The following PTPRB variants were observed in gnomAD, a reference collection of about 807,000 sequenced individuals.
PTPRB encodes protein tyrosine phosphatase receptor type B, also known as receptor-type tyrosine-protein phosphatase beta.
PTPRB carries 97 observed loss-of-function variants against 238.1 expected under a neutral mutation model. The ratio of observed to expected loss-of-function variants is 0.41; its 90% CI spans 0.35 to 0.48. PTPRB has a LOEUF of 0.48. Among genes scored for constraint, PTPRB ranks in the 20% least tolerant of loss-of-function variants. The probability of loss-of-function intolerance (pLI) is 0.30; values close to 1 mark genes in which losing one functional copy is unlikely to be tolerated. For missense variants in PTPRB, 2,292 were observed against 2,681.9 expected (o/e 0.85, Z 3.21); for synonymous variants, 970 against 995.4 (o/e 0.97, Z 0.48).
At position 70,562,893 on chromosome 12, in the gene PTPRB, T is replaced by A. The variant is rs750238187; in HGVS notation, c.4119A>T (p.Val1373=). 5 of 1,614,038 alleles carry A rather than the reference T, an allele frequency of 3.1e-6. No homozygotes were observed. Among genetic ancestry groups the A allele is most frequent in the Admixed American group, 1.7e-5 (1 of 60,022 alleles). ...CATTAGACAGCTCCCCACTGTGAGT[T>A]ACAATCACCATCTTGTACATTCTGC... is the stretch of plus-strand genomic sequence containing the variant. ...LQGRMYKMVI[V]THSGELSNES... is the part of the protein sequence containing the mutation. Residue 1373 remains valine, a synonymous_variant, in exon 16 of 34, where the codon GTA becomes GTT. Transcript: ENST00000334414.
chr12:70,622,245 C>T (rs2136578992), intron 3 of PTPRB, 145 bp downstream of exon 3: 4 of 1,232,762 alleles, frequency 3.2e-6, no homozygotes, highest in Middle Eastern at 5.8e-4. Context: ...AAAATGCTTT[C>T]CTGTACAATT....
At chr12:70,558,140 G>C (rs2136319242) in intron 18 of PTPRB, among the ~76,000 whole-genome samples, 1 of 152,242 alleles carries the variant, frequency 6.6e-6, no homozygotes, top group Non-Finnish European at 1.5e-5. Context: ...TCTAATACCA[G>C]ATGCAATGGT....
In PTPRB at chr12:70,538,245, T is replaced by C; in HGVS notation, c.5870-14A>G. 1 of 1,610,770 alleles carries C rather than the reference T, an allele frequency of 6.2e-7. No homozygotes were observed. The highest frequency in any genetic ancestry group is 8.5e-7 in the Non-Finnish European group (1 of 1,178,002). On this transcript the variant is annotated splice_polypyrimidine_tract_variant and intron_variant, in intron 27 of 33. Coordinates refer to ENST00000334414, the MANE Select transcript of PTPRB (RefSeq NM_001109754.4). ...GCGTGGCATCATCTGGAAGGAGAGA[T>C]TTGCTGCTGAGTCTTGGAGTGACTT...
At chr12:70,538,800 A>C (rs1396553063) in intron 27 of PTPRB, 124 bp downstream of exon 27, 16 of 757,398 alleles carry the variant, frequency 2.1e-5, no homozygotes, top group Non-Finnish European at 3.3e-5. Flanking sequence ...TATTAAAGGC[A>C]TTCAGAGCTT....
chr12:70,622,599 G>C lies in PTPRB; in HGVS notation c.499C>G (p.Pro167Ala), dbSNP rs766739697. The C allele has an allele frequency of 6.3e-7, 1 of 1,588,288 alleles. No individual in the cohort carries two copies. Among genetic ancestry groups the C allele is most frequent in the Admixed American group, 1.8e-5 (1 of 55,544 alleles). The change falls in exon 3 of 34, where the codon CCA becomes GCA. Residue 167 changes from proline to alanine, a missense_variant. Pro to Ala is a conservative substitution (Grantham distance 27). Around this residue, in one of 4 missense-constraint regions of PTPRB, gnomAD observed 1,205 missense variants for 1,287.8 expected, o/e 0.94. Coordinates refer to ENST00000334414, the MANE Select transcript of PTPRB (RefSeq NM_001109754.4). ...TTAAAGGTAGTGAGAATCTGGGGTG[G>C]AGCCGTGTTTCTAGTGCTCCTCACC... Reference protein sequence around the residue: ...VSVRSTRNTAPPQILTTFNAV... With the variant: ...VSVRSTRNTAAPQILTTFNAV...
At chr12:70,555,416 G>T in intron 19 of PTPRB, 107 bp from the exon 20 acceptor site, 1 of 1,066,856 alleles carries the variant, frequency 9.4e-7, no homozygotes, top group Non-Finnish European at 1.4e-6. Flanking sequence ...ATCAGACTGT[G>T]TGTGTGTGAG....
chr12:70,605,159 A>T (rs1207262368), intron 4 of PTPRB, among the ~76,000 whole-genome samples: 1 of 152,236 alleles, frequency 6.6e-6, no homozygotes, highest in Admixed American at 6.5e-5. Context: ...AACTGACTTA[A>T]CAAGAGGGAA....
intron 17 of PTPRB, among the ~76,000 whole-genome samples, chr12:70,559,942 T>G (rs754195452): frequency 1.3e-5 from 2 of 151,642 alleles, no homozygotes; most frequent in African/African-American, 2.4e-5. Context: ...TAGCTGGGAT[T>G]ACAGGCACCT....
intron 11 of PTPRB, among the ~76,000 whole-genome samples, chr12:70,572,555 G>A (rs934242753): frequency 6.6e-5 from 10 of 151,866 alleles, no homozygotes; most frequent in Admixed American, 6.6e-5. Flanking sequence ...ATCACTTGAG[G>A]TCAGAAGTTT....
chr12:70,634,628 G>A (rs1030517822), intron 2 of PTPRB, among the ~76,000 whole-genome samples: 8 of 152,136 alleles, frequency 5.3e-5, no homozygotes, highest in Non-Finnish European at 7.3e-5. Context: ...TCTACCCCAG[G>A]TGATTCTTAG....
chr12:70,539,594 A>T, intron 26 of PTPRB, 31 bp downstream of exon 26: 1 of 1,448,740 alleles, frequency 6.9e-7, no homozygotes, highest in Non-Finnish European at 9.5e-7. Context: ...AGAACTAGGG[A>T]TGCTGAAGCT....
At chr12:70,532,656 G>A (rs1274196071) in intron 31 of PTPRB, among the ~76,000 whole-genome samples, 3 of 143,624 alleles carry the variant, frequency 2.1e-5, no homozygotes, top group East Asian at 2.0e-4. Context: ...CCCTCTTTCC[G>A]TCCTTCACAG....
At chr12:70,527,360 A>G (rs988340309) in intron 32 of PTPRB, among the ~76,000 whole-genome samples, 1 of 152,218 alleles carries the variant, frequency 6.6e-6, no homozygotes, top group African/African-American at 2.4e-5. Flanking sequence ...AAGGCAACAT[A>G]ACATACAATT....
Position 70,534,571 on chromosome 12 carries a change from G to A in PTPRB, c.6285C>T (p.Thr2095=), listed in dbSNP as rs750058918. ...VWPDHGVPET[T]QSLIQFVRTV... is the part of the protein sequence containing the mutation. ...TTCTCACAAACTGGATCAGAGACTGGGTGGTTTCTGGGACTCCATGGTCTG... is the reference window on the plus strand; with the variant it reads ...TTCTCACAAACTGGATCAGAGACTGAGTGGTTTCTGGGACTCCATGGTCTG... The change falls in exon 31 of 34, where the codon ACC becomes ACT. Residue 2095 remains threonine, a synonymous_variant. Coordinates refer to ENST00000334414, the MANE Select transcript of PTPRB (RefSeq NM_001109754.4). The A allele has an allele frequency of 6.2e-7, 1 of 1,613,120 alleles. No homozygotes were observed. The highest frequency in any genetic ancestry group is 1.3e-5 in the African/African-American group (1 of 75,024).
chr12:70,617,407 C>T (rs1884726448), intron 3 of PTPRB, among the ~76,000 whole-genome samples: 1 of 152,182 alleles, frequency 6.6e-6, no homozygotes, highest in African/African-American at 2.4e-5. Flanking sequence ...CATCAGCAGT[C>T]TCAGAGTCTG....
chr12:70,575,614 A>G (rs1378405648), intron 11 of PTPRB, among the ~76,000 whole-genome samples: 2 of 152,184 alleles, frequency 1.3e-5, no homozygotes, highest in Non-Finnish European at 2.9e-5. Context: ...TTGTCTCAGA[A>G]CCTCATGGAA....
intron 4 of PTPRB, 121 bp downstream of exon 4, chr12:70,608,948 C>A (rs1444342503): frequency 7.6e-6 from 10 of 1,319,936 alleles, no homozygotes; most frequent in Non-Finnish European, 1.0e-5. Context: ...CAATATTTAT[C>A]TTCACAGGTA....
rs758416553 is a variant in PTPRB, at chr12:70,592,455, T to C, written c.1607A>G (p.Asp536Gly). 2 of 1,613,904 alleles carry C rather than the reference T, an allele frequency of 1.2e-6. No homozygotes were observed. Among genetic ancestry groups the C allele is most frequent in the South Asian group, 2.2e-5 (2 of 91,086 alleles). Residue 536 changes from aspartate (D) to glycine (G), a missense_variant, in exon 7 of 34, where the codon GAT (aspartate) becomes GGT (glycine). Physicochemically the swap from Asp to Gly is moderately conservative, Grantham distance 94 (BLOSUM62 -1). Transcript: ENST00000334414. ...VKWQRPPGNV[D>G]SYNITLSHKG... ...GTGAGACAGGGTGATATTGTAAGAA[T>C]CCACATTTCCAGGAGGTCTTTGCCA...
chr12:70,557,614 C>T (rs1000689353), intron 18 of PTPRB, among the ~76,000 whole-genome samples: 25 of 152,156 alleles, frequency 1.6e-4, no homozygotes, highest in African/African-American at 4.6e-4. Context: ...TGAGCACCTG[C>T]GAGGCTGTTG....
Sources: gnomAD v4.1 joint callset for allele counts (sites outside exome capture counted in the v4.1 genomes callset) on GRCh38, gnomAD v4.1.1 for gene constraint, gnomAD v4.1.1 regional missense constraint, MANE v1.5 for transcripts, NCBI Gene and HGNC (gene_info 2026-07-23, HGNC 2026-07-21) for gene names.